Variants in ROR2 observed in about 807,000 individuals in gnomAD.
ROR2 encodes the protein tyrosine-protein kinase transmembrane receptor ROR2.
ROR2 carries 33 observed loss-of-function variants against 74.9 expected under a neutral mutation model. That is an observed-to-expected ratio of 0.44 (90% confidence interval 0.33 to 0.59). ROR2 has a LOEUF of 0.59. ROR2 is among the 20% of genes least tolerant of loss of function. The probability of loss-of-function intolerance (pLI) is 0.02; values close to 1 mark genes in which losing one functional copy is unlikely to be tolerated. For synonymous variants in ROR2, 586 were observed against 558.7 expected (o/e 1.05, Z -0.69); for missense variants, 1,216 against 1,313.8 (o/e 0.93, Z 1.15).
intron 1 of ROR2, among the ~76,000 whole-genome samples, chr9:91,833,611 A>G (rs2119192934): frequency 6.6e-6 from 1 of 152,212 alleles, no homozygotes; most frequent in African/African-American, 2.4e-5. Context: ...CCTATCGAAG[A>G]GAAGCAGCCC....
At chr9:91,934,057 C>T (rs961812865) in intron 1 of ROR2, among the ~76,000 whole-genome samples, 3 of 152,080 alleles carry the variant, frequency 2.0e-5, no homozygotes, top group African/African-American at 7.2e-5. Context: ...CACATGTGCG[C>T]AGAAAACATC....
Position 91,823,621 on chromosome 9 carries a change from A to G in ROR2, c.98-47803T>C, listed in dbSNP as rs113371136. On this transcript the variant is annotated intron_variant, in intron 1 of 8. Coordinates refer to ENST00000375708, the MANE Select transcript of ROR2 (RefSeq NM_004560.4). The stretch of plus-strand genomic sequence containing the variant: ...ATTTTTATAAAATATGGATTTAAGG[A>G]GCAGAGAGGAAGTGGGGGCAAGAAA... Among the ~76,000 whole-genome samples the G allele has an allele frequency of 3.0e-3, 461 of 152,248 alleles. 4 individuals carry two copies. Among genetic ancestry groups the G allele is most frequent in the African/African-American group, 9.9e-3 (411 of 41,560 alleles).
intron 1 of ROR2, among the ~76,000 whole-genome samples, chr9:91,790,173 G>A (rs1826924224): frequency 1.3e-5 from 2 of 152,110 alleles, no homozygotes; most frequent in Admixed American, 1.3e-4. Flanking sequence ...TAGTGATGCT[G>A]TCTAAGCAAA....
intron 1 of ROR2, among the ~76,000 whole-genome samples, chr9:91,810,784 TG>T (rs1827725413): frequency 6.6e-6 from 1 of 152,146 alleles, no homozygotes; most frequent in Non-Finnish European, 1.5e-5. Flanking sequence ...TGCATCCCAG[TG>T]GAGTCTACGT....
chr9:91,913,457 G>A (rs1265194957), intron 1 of ROR2, among the ~76,000 whole-genome samples: 1 of 152,138 alleles, frequency 6.6e-6, no homozygotes, highest in Non-Finnish European at 1.5e-5. Flanking sequence ...AAAATTCTAT[G>A]TTGTATCAGC....
chr9:91,804,544 G>A (rs1827490817), intron 1 of ROR2, among the ~76,000 whole-genome samples: 2 of 152,250 alleles, frequency 1.3e-5, no homozygotes, highest in Non-Finnish European at 2.9e-5. Context: ...GAGAGAGAAA[G>A]GCGGCTCACA....
intron 1 of ROR2, among the ~76,000 whole-genome samples, chr9:91,781,474 C>T (rs558062112): frequency 3.9e-4 from 59 of 152,272 alleles, no homozygotes; most frequent in Admixed American, 1.1e-3. Flanking sequence ...GAAGGAGCAG[C>T]GTATAAAGTC....
chr9:91,769,066 C>A (rs868534393), intron 2 of ROR2, among the ~76,000 whole-genome samples: 1 of 152,098 alleles, frequency 6.6e-6, no homozygotes, highest in Non-Finnish European at 1.5e-5. Flanking sequence ...GTGGGCCGGG[C>A]GGAGGCAGAC....
At chr9:91,872,384 A>C (rs1291553786) in intron 1 of ROR2, among the ~76,000 whole-genome samples, 2 of 152,202 alleles carry the variant, frequency 1.3e-5, no homozygotes, top group Non-Finnish European at 1.5e-5. Context: ...GAAGCCTGAC[A>C]AATGTCCATG....
chr9:91,770,408 C>A (rs967225806), intron 2 of ROR2, among the ~76,000 whole-genome samples: 6 of 152,186 alleles, frequency 3.9e-5, no homozygotes, highest in African/African-American at 1.4e-4. Context: ...TCGGTATGGG[C>A]GGGGGCAGGG....
intron 4 of ROR2, among the ~76,000 whole-genome samples, chr9:91,744,424 T>C (rs924058544): frequency 1.3e-5 from 2 of 151,786 alleles, no homozygotes; most frequent in African/African-American, 4.8e-5. Flanking sequence ...AGTTTCATCA[T>C]ATGTTGGCCA....
intron 1 of ROR2, among the ~76,000 whole-genome samples, chr9:91,812,001 G>C (rs1827765617): frequency 6.7e-6 from 1 of 150,320 alleles, no homozygotes; most frequent in Non-Finnish European, 1.5e-5. Context: ...AAGAAGAATT[G>C]TCTTGGGCCA....
chr9:91,833,363 G>A (rs1330346179), intron 1 of ROR2, among the ~76,000 whole-genome samples: 3 of 152,140 alleles, frequency 2.0e-5, no homozygotes, highest in African/African-American at 7.2e-5. Context: ...CATGCCGAGT[G>A]CACTGTGCCT....
chr9:91,918,753 T>C (rs1305253069), intron 1 of ROR2, among the ~76,000 whole-genome samples: 1 of 152,186 alleles, frequency 6.6e-6, no homozygotes, highest in East Asian at 1.9e-4. Context: ...AGAATTCTGT[T>C]GTTAAAATAA....
chr9:91,764,319 G>C (rs187097276), intron 2 of ROR2, among the ~76,000 whole-genome samples: 1 of 151,790 alleles, frequency 6.6e-6, no homozygotes, highest in Non-Finnish European at 1.5e-5. Flanking sequence ...CTTATAAGTG[G>C]CATATAATTT....
chr9:91,759,123 A>T (rs1178331892), intron 2 of ROR2, among the ~76,000 whole-genome samples: 3 of 152,214 alleles, frequency 2.0e-5, no homozygotes, highest in Admixed American at 2.0e-4. Flanking sequence ...TACAGATTTA[A>T]TCGGAAAATT....
At chr9:91,942,872 C>A (rs1482482380) in intron 1 of ROR2, among the ~76,000 whole-genome samples, 3 of 152,180 alleles carry the variant, frequency 2.0e-5, no homozygotes, top group Admixed American at 2.0e-4. Flanking sequence ...CGTGGCCCTG[C>A]CGCCACCTTG....
chr9:91,923,328 GT>G (rs1475963917), intron 1 of ROR2, among the ~76,000 whole-genome samples: 1 of 152,196 alleles, frequency 6.6e-6, no homozygotes, highest in East Asian at 1.9e-4. Context: ...GAGCACTTAA[GT>G]TTGGCTAGTG....
chr9:91,744,900 T>C (rs111394183), intron 4 of ROR2, among the ~76,000 whole-genome samples: 2 of 152,232 alleles, frequency 1.3e-5, no homozygotes, highest in South Asian at 2.1e-4. Context: ...CCTTGGAAGG[T>C]TGCTGTATCC....
Sources: allele counts gnomAD v4.1 joint callset (sites outside exome capture counted in the v4.1 genomes callset), GRCh38; gene constraint gnomAD v4.1.1; transcripts MANE v1.5; gene names NCBI Gene and HGNC (gene_info 2026-07-23, HGNC 2026-07-21).